The following GRM5 variants were observed in gnomAD, a reference collection of about 807,000 sequenced individuals.
The protein encoded by GRM5 is metabotropic glutamate receptor 5.
Under a neutral mutation model 83.1 loss-of-function variants are expected in GRM5, and 19 were observed. The ratio of observed to expected loss-of-function variants is 0.23; its 90% CI spans 0.16 to 0.34. GRM5 has a LOEUF of 0.34. Ranked by LOEUF, GRM5 falls within the 10% of genes least tolerant of loss-of-function variation. The pLI is 1.00. For missense variants in GRM5, 1,160 were observed against 1,588.3 expected (o/e 0.73, Z 4.58); for synonymous variants, 675 against 633.6 (o/e 1.07, Z -0.98).
At chr11:88,894,711 T>A (rs1023903992) in intron 2 of GRM5, among the ~76,000 whole-genome samples, 5 of 151,904 alleles carry the variant, frequency 3.3e-5, no homozygotes, top group African/African-American at 1.2e-4. Flanking sequence ...TAAAATCCTA[T>A]CCCCAAAGTG....
chr11:88,702,417 G>T (rs1459808546), intron 3 of GRM5, among the ~76,000 whole-genome samples: 1 of 152,028 alleles, frequency 6.6e-6, no homozygotes, highest in Non-Finnish European at 1.5e-5. Flanking sequence ...GCTTCGCTCA[G>T]CTCTCACAGG....
chr11:88,574,976 T>G (rs1307778268), intron 7 of GRM5, among the ~76,000 whole-genome samples: 3 of 144,372 alleles, frequency 2.1e-5, no homozygotes, highest in African/African-American at 7.9e-5. Context: ...TAATTGTAAC[T>G]TTTCTTTTCT....
At chr11:88,991,437 C>T (rs1445447064) in intron 2 of GRM5, among the ~76,000 whole-genome samples, 1 of 151,962 alleles carries the variant, frequency 6.6e-6, no homozygotes, top group East Asian at 1.9e-4. Flanking sequence ...GCCATACTGC[C>T]CAAGGTAATT....
chr11:88,605,391 T>G (rs1433960595), intron 4 of GRM5, among the ~76,000 whole-genome samples: 1 of 151,744 alleles, frequency 6.6e-6, no homozygotes, highest in Non-Finnish European at 1.5e-5. Context: ...CTGGCGATAC[T>G]AGATATTCCA....
At chr11:88,991,885 C>T (rs1261997514) in intron 2 of GRM5, among the ~76,000 whole-genome samples, 30 of 152,076 alleles carry the variant, frequency 2.0e-4, no homozygotes, top group Middle Eastern at 3.4e-3. Context: ...AAGACTTAAA[C>T]GTTAGACCTA....
chr11:88,617,793 G>T (rs1186441496), intron 4 of GRM5, among the ~76,000 whole-genome samples: 1 of 152,096 alleles, frequency 6.6e-6, no homozygotes, highest in Non-Finnish European at 1.5e-5. Flanking sequence ...CCCATGGCAG[G>T]GTGATCTCAG....
chr11:88,864,205 A>T (rs562969801), intron 2 of GRM5, among the ~76,000 whole-genome samples: 103 of 150,412 alleles, frequency 6.8e-4, no homozygotes, highest in African/African-American at 2.5e-3. Context: ...TGGGAGGGCA[A>T]GTAGGCTAAG....
At chr11:89,063,891 C>T (rs1373175348) in intron 1 of GRM5, among the ~76,000 whole-genome samples, 3 of 152,116 alleles carry the variant, frequency 2.0e-5, no homozygotes, top group Non-Finnish European at 4.4e-5. Flanking sequence ...GGAGGCACTC[C>T]CAGGACTTAC....
intron 8 of GRM5, among the ~76,000 whole-genome samples, chr11:88,527,369 T>C (rs1941904870): frequency 6.6e-6 from 1 of 152,160 alleles, no homozygotes. Context: ...TTTCTTTCTC[T>C]CATGACCACA....
At chr11:88,872,505 G>A (rs632149) in intron 2 of GRM5, among the ~76,000 whole-genome samples, 44,995 of 151,174 alleles carry the variant, frequency 0.3, 6,971 homozygotes, top group South Asian at 0.52. Context: ...TATAAATTGT[G>A]AGGGAGGCAG....
intron 2 of GRM5, among the ~76,000 whole-genome samples, chr11:88,924,899 A>G (rs1945759839): frequency 1.3e-5 from 2 of 152,048 alleles, no homozygotes; most frequent in Non-Finnish European, 2.9e-5. Flanking sequence ...TTCACTATGT[A>G]TATGTTTATC....
chr11:88,586,756 T>C (rs1188778715), intron 7 of GRM5, among the ~76,000 whole-genome samples: 2 of 152,182 alleles, frequency 1.3e-5, no homozygotes, highest in Admixed American at 1.3e-4. Context: ...CTTCACATAA[T>C]ATCAATGCAA....
intron 7 of GRM5, among the ~76,000 whole-genome samples, chr11:88,579,170 C>T (rs1055449192): frequency 1.3e-5 from 2 of 151,864 alleles, no homozygotes; most frequent in Non-Finnish European, 2.9e-5. Flanking sequence ...TTTGAGCTGT[C>T]AGGAGGATTA....
chr11:88,643,328 G>A (rs1315601675), intron 4 of GRM5, among the ~76,000 whole-genome samples: 1 of 152,076 alleles, frequency 6.6e-6, no homozygotes, highest in Non-Finnish European at 1.5e-5. Context: ...GTCTCAAGGG[G>A]ATGGTGCTAA....
chr11:88,877,512 T>G (rs1473320021), intron 2 of GRM5, among the ~76,000 whole-genome samples: 1 of 151,982 alleles, frequency 6.6e-6, no homozygotes, highest in Admixed American at 6.6e-5. Context: ...CAGTTTATCA[T>G]TAAGAAATAT....
intron 3 of GRM5, among the ~76,000 whole-genome samples, chr11:88,795,386 A>G (rs987194681): frequency 2.0e-5 from 3 of 152,164 alleles, no homozygotes; most frequent in Non-Finnish European, 2.9e-5. Context: ...ATCATAAAGG[A>G]AAGGCTTGAA....
intron 3 of GRM5, among the ~76,000 whole-genome samples, chr11:88,804,972 A>C (rs1943473972): frequency 6.6e-6 from 1 of 152,222 alleles, no homozygotes; most frequent in South Asian, 2.1e-4. Flanking sequence ...AACAAATTAA[A>C]AAACTAAAGA....
chr11:89,022,021 CAG>C (rs1940997418), intron 2 of GRM5, among the ~76,000 whole-genome samples: 1 of 152,096 alleles, frequency 6.6e-6, no homozygotes, highest in African/African-American at 2.4e-5. Context: ...CAAAACAAAA[CAG>C]AGTTTTGTGA....
At chr11:88,717,070 C>T (rs991888018) in intron 3 of GRM5, among the ~76,000 whole-genome samples, 2 of 151,852 alleles carry the variant, frequency 1.3e-5, no homozygotes, top group African/African-American at 2.4e-5. Flanking sequence ...TATGTCTATA[C>T]CTTATTAGCA....
Sources: allele counts gnomAD v4.1 joint callset (sites outside exome capture counted in the v4.1 genomes callset), GRCh38; gene constraint gnomAD v4.1.1; transcripts MANE v1.5; gene names NCBI Gene and HGNC (gene_info 2026-07-23, HGNC 2026-07-21).